Variants in HDGFL3 observed in about 807,000 individuals in gnomAD.
The protein encoded by HDGFL3 is hepatoma-derived growth factor-related protein 3.
A neutral mutation model predicts 27.6 loss-of-function variants in HDGFL3; 6 were observed. That is an observed-to-expected ratio of 0.22 (90% CI 0.12 to 0.43). The LOEUF (loss-of-function observed/expected upper bound fraction) is 0.43. Among genes scored for constraint, HDGFL3 ranks in the 20% least tolerant of loss-of-function variants. The pLI is 1.00. For missense variants in HDGFL3, 207 were observed against 250.1 expected (o/e 0.83, Z 1.16); for synonymous variants, 88 against 88.9 (o/e 0.99, Z 0.05).
intron 1 of HDGFL3, among the ~76,000 whole-genome samples, chr15:83,181,201 G>A (rs1276021298): frequency 1.3e-5 from 2 of 152,086 alleles, no homozygotes; most frequent in Admixed American, 6.5e-5. Context: ...AGAACTTAGT[G>A]CTTTTAACTA....
At chr15:83,178,647 C>A (rs995660613) in intron 1 of HDGFL3, among the ~76,000 whole-genome samples, 1 of 151,820 alleles carries the variant, frequency 6.6e-6, no homozygotes, top group South Asian at 2.1e-4. Flanking sequence ...CAGAGTGAGA[C>A]CCTGTCTCAA....
chr15:83,152,579 T>C (rs2036976604), intron 4 of HDGFL3, among the ~76,000 whole-genome samples: 1 of 151,000 alleles, frequency 6.6e-6, no homozygotes, highest in African/African-American at 2.4e-5. Flanking sequence ...GAGAGGCCTG[T>C]AATCCCAGCT....
At chr15:83,117,056 T>G (rs2034730827) in intron 3 of HDGFL3, among the ~76,000 whole-genome samples, 1 of 152,152 alleles carries the variant, frequency 6.6e-6, no homozygotes, top group South Asian at 2.1e-4. Flanking sequence ...ACAGAAGTAC[T>G]CAGAGGAGGA....
At chr15:83,163,356 G>GT (rs552841147) in intron 2 of HDGFL3, among the ~76,000 whole-genome samples, 113 of 152,260 alleles carry the variant, frequency 7.4e-4, no homozygotes, top group Middle Eastern at 6.8e-3. Flanking sequence ...TGCTGAGCCA[G>GT]TTTTTTTGTT....
intron 5 of HDGFL3, among the ~76,000 whole-genome samples, chr15:83,142,528 G>C (rs2036795797): frequency 6.6e-6 from 1 of 152,158 alleles, no homozygotes; most frequent in African/African-American, 2.4e-5. Context: ...CTACTGGAGG[G>C]TAAAGGAGAG....
chr15:83,152,683 G>GAA (rs534112117), intron 4 of HDGFL3, among the ~76,000 whole-genome samples: 13 of 78,674 alleles, frequency 1.7e-4, no homozygotes, highest in Non-Finnish European at 2.3e-4. Flanking sequence ...ACTCTGTCTC[G>GAA]AAAAAAAAAA....
chr15:83,200,911 T>C lies in HDGFL3; in HGVS notation c.84+6420A>G, dbSNP rs532260036. Among the ~76,000 whole-genome samples the C allele has an allele frequency of 2.0e-5, 3 of 151,688 alleles. No homozygotes were observed. In the South Asian group the frequency reaches 6.3e-4, roughly 32 times the overall value. ...TGGCTCTCTGTGACCATACAGATGG[T>C]TATTTACCAGACTAAATGTGGTAAA... On this transcript the variant is annotated intron_variant, in intron 1 of 5. Coordinates refer to ENST00000299633, the MANE Select transcript of HDGFL3 (RefSeq NM_016073.4).
In HDGFL3 at chr15:83,175,785, G is replaced by A. The variant is rs533378046; in HGVS notation, c.85-11710C>T. ...TGAGGCAGGAGAATGGTGTGAACCCGGGAGGCAGAGCTTTCAGTGACCTGA... is the reference window on the plus strand; with the variant it reads ...TGAGGCAGGAGAATGGTGTGAACCCAGGAGGCAGAGCTTTCAGTGACCTGA... On this transcript the variant is annotated intron_variant, in intron 1 of 5. Coordinates refer to ENST00000299633, the MANE Select transcript of HDGFL3 (RefSeq NM_016073.4). 6.6e-5 allele frequency among the ~76,000 whole-genome samples: 10 copies of A among 152,308 alleles called. No individual in the cohort carries two copies. In the South Asian group the frequency reaches 1.5e-3, roughly 22 times the overall value.
intron 2 of HDGFL3, chr15:83,163,694 G>A (rs1446806054): frequency 4.0e-6 from 1 of 250,334 alleles, no homozygotes; most frequent in Non-Finnish European, 7.6e-6. Context: ...AGCAATAGAA[G>A]AAATTACTGG....
At chr15:83,197,350 G>T (rs765742472) in intron 1 of HDGFL3, among the ~76,000 whole-genome samples, 1 of 152,170 alleles carries the variant, frequency 6.6e-6, no homozygotes, top group South Asian at 2.1e-4. Context: ...TGAGCCAGAT[G>T]TAAGACATAA....
intron 2 of HDGFL3, among the ~76,000 whole-genome samples, chr15:83,158,452 A>T (rs545415603): frequency 6.6e-6 from 1 of 152,226 alleles, no homozygotes; most frequent in Non-Finnish European, 1.5e-5. Context: ...CTAGAATAAA[A>T]AAAAGATTTT....
At chr15:83,121,190 C>T (rs1472833902) in intron 3 of HDGFL3, among the ~76,000 whole-genome samples, 1 of 152,080 alleles carries the variant, frequency 6.6e-6, no homozygotes, top group African/African-American at 2.4e-5. Context: ...CCTGCCTCAG[C>T]CTCCCAAGTA....
chr15:83,169,190 C>T (rs1302352598), intron 1 of HDGFL3: 3 of 440,642 alleles, frequency 6.8e-6, no homozygotes, highest in Non-Finnish European at 1.4e-5. Context: ...AAGCATGCCC[C>T]TCGAGAATTG....
At chr15:83,189,974 T>C (rs1233579520) in intron 1 of HDGFL3, among the ~76,000 whole-genome samples, 4 of 152,092 alleles carry the variant, frequency 2.6e-5, no homozygotes, top group African/African-American at 9.7e-5. Flanking sequence ...GGGAGGCCAA[T>C]GTGGGATCAT....
intron 5 of HDGFL3, 49 bp downstream of exon 5, chr15:83,151,166 C>T: frequency 6.4e-7 from 1 of 1,563,302 alleles, no homozygotes; most frequent in Non-Finnish European, 8.7e-7. Context: ...GAATCTGAAG[C>T]AAAATGTCTT....
intron 1 of HDGFL3, among the ~76,000 whole-genome samples, chr15:83,206,223 AT>A (rs537567970): frequency 6.6e-5 from 10 of 151,490 alleles, no homozygotes; most frequent in African/African-American, 1.2e-4. Flanking sequence ...GAATGGGTGT[AT>A]TTTTTTTTCT....
At chr15:83,200,743 T>G (rs62010253) in intron 1 of HDGFL3, among the ~76,000 whole-genome samples, 13,039 of 152,242 alleles carry the variant, frequency 0.086, 694 homozygotes, top group Non-Finnish European at 0.13. Flanking sequence ...AATGAAGTAC[T>G]TGTCTTTTAA....
At chr15:83,205,239 C>T (rs1007482978) in intron 1 of HDGFL3, among the ~76,000 whole-genome samples, 3 of 152,092 alleles carry the variant, frequency 2.0e-5, no homozygotes, top group African/African-American at 7.2e-5. Context: ...GTGAAGTATA[C>T]GCACTGTAAA....
rs550232352 is a variant in HDGFL3, at chr15:83,165,623, T to A, written c.85-1548A>T. ...GTGCAGACACATTTTAAAAATCACT[T>A]CTTTTACTAAAAATGCAAAAAAGTA... On this transcript the variant is annotated intron_variant, in intron 1 of 5. Transcript: ENST00000299633. Among the ~76,000 whole-genome samples, 11 of 151,846 alleles carry A rather than the reference T, an allele frequency of 7.2e-5. No homozygotes were observed. In the South Asian group the frequency reaches 2.1e-3, roughly 29 times the overall value.
Sources: allele counts gnomAD v4.1 joint callset (sites outside exome capture counted in the v4.1 genomes callset), GRCh38; gene constraint gnomAD v4.1.1; transcripts MANE v1.5; gene names NCBI Gene and HGNC (gene_info 2026-07-23, HGNC 2026-07-21).